Variants in FOXN3 observed in about 807,000 individuals in gnomAD.
FOXN3 encodes forkhead box protein N3.
In FOXN3, 7 loss-of-function variants were observed where a neutral mutation model predicts 38.4. The ratio of observed to expected loss-of-function variants is 0.18; its 90% CI spans 0.10 to 0.34. The LOEUF is 0.34. FOXN3 is among the 10% of genes least tolerant of loss of function. The pLI, the probability that FOXN3 is intolerant of heterozygous loss-of-function variation, is 1.00. For missense variants in FOXN3, 456 were observed against 613.4 expected, an observed-to-expected ratio of 0.74 and a Z score of 2.71; for synonymous variants, 230 against 242.2, an observed-to-expected ratio of 0.95 and a Z score of 0.47.
chr14:89,252,222 A>G (rs907337098), intron 4 of FOXN3, among the ~76,000 whole-genome samples: 1 of 152,252 alleles, frequency 6.6e-6, no homozygotes, highest in Non-Finnish European at 1.5e-5. Flanking sequence ...GATCCAGGCT[A>G]TAGAGCCAAG....
intron 3 of FOXN3, among the ~76,000 whole-genome samples, chr14:89,297,170 A>AGTTACTT (rs1403348365): frequency 2.6e-4 from 39 of 152,206 alleles, no homozygotes; most frequent in Admixed American, 2.6e-4. Flanking sequence ...GTAACTATAT[A>AGTTACTT]AGACATTACC....
At chr14:89,215,000 G>A (rs763872853) in intron 4 of FOXN3, among the ~76,000 whole-genome samples, 4 of 152,154 alleles carry the variant, frequency 2.6e-5, no homozygotes, top group Non-Finnish European at 4.4e-5. Context: ...AAGGGAGAAG[G>A]TACATTAGGC....
chr14:89,259,157 T>C (rs1173368157), intron 4 of FOXN3, among the ~76,000 whole-genome samples: 3 of 152,268 alleles, frequency 2.0e-5, no homozygotes, highest in Non-Finnish European at 4.4e-5. Flanking sequence ...AATTGACTTC[T>C]ACATCTCTGT....
At chr14:89,563,005 A>T (rs1206510069) in intron 1 of FOXN3, among the ~76,000 whole-genome samples, 1 of 152,244 alleles carries the variant, frequency 6.6e-6, no homozygotes, top group African/African-American at 2.4e-5. Flanking sequence ...TGCACACAGT[A>T]ACAAGAAGGG....
intron 1 of FOXN3, among the ~76,000 whole-genome samples, chr14:89,457,006 T>C (rs975432908): frequency 6.6e-6 from 1 of 152,126 alleles, no homozygotes; most frequent in African/African-American, 2.4e-5. Flanking sequence ...GGGAAGTAAA[T>C]TTGTATCACC....
chr14:89,255,690 T>C (rs1885595933), intron 4 of FOXN3, among the ~76,000 whole-genome samples: 1 of 152,120 alleles, frequency 6.6e-6, no homozygotes, highest in Non-Finnish European at 1.5e-5. Context: ...AGGCCCTTGC[T>C]CCTGGCCCAG....
At chr14:89,280,904 G>C (rs1358687551) in intron 4 of FOXN3, 46 bp downstream of exon 4, 2 of 1,528,214 alleles carry the variant, frequency 1.3e-6, no homozygotes, top group Middle Eastern at 3.4e-4. Flanking sequence ...ATGAAAGGCG[G>C]GTGGGTGAGG....
intron 5 of FOXN3, among the ~76,000 whole-genome samples, chr14:89,176,130 C>A (rs997519439): frequency 3.9e-5 from 6 of 152,160 alleles, no homozygotes; most frequent in African/African-American, 1.4e-4. Context: ...AGGTTTCCAA[C>A]GTCTAAGGAT....
intron 2 of FOXN3, among the ~76,000 whole-genome samples, chr14:89,385,482 A>C (rs1380123897): frequency 7.0e-6 from 1 of 142,720 alleles, no homozygotes; most frequent in African/African-American, 2.6e-5. Flanking sequence ...TGAATAACAA[A>C]AGCTGAGGCA....
In FOXN3 at chr14:89,397,650, A is replaced by C. The variant is rs1891135310; in HGVS notation, c.543+14284T>G. 3.3e-5 allele frequency among the ~76,000 whole-genome samples: 5 copies of C among 151,874 alleles called. No individual in the cohort carries two copies. The South Asian group carries it at 1.0e-3, about 32-fold the overall frequency. On this transcript the variant is annotated intron_variant, in intron 2 of 5. Transcript: ENST00000557258. ...TAGCTCAGCCTACCTTCCCAAACTTATTTCTCTCTCTATCCCACTGTGACC... is the reference window on the plus strand; with the variant it reads ...TAGCTCAGCCTACCTTCCCAAACTTCTTTCTCTCTCTATCCCACTGTGACC...
At chr14:89,308,056 G>A (rs936385302) in intron 3 of FOXN3, among the ~76,000 whole-genome samples, 1 of 152,218 alleles carries the variant, frequency 6.6e-6, no homozygotes, top group Non-Finnish European at 1.5e-5. Flanking sequence ...TCTGAGGTCA[G>A]GAGTTCAAGA....
At chr14:89,213,105 C>A (rs778020515) in intron 4 of FOXN3, among the ~76,000 whole-genome samples, 16 of 152,142 alleles carry the variant, frequency 1.1e-4, no homozygotes, top group Non-Finnish European at 2.1e-4. Flanking sequence ...ACATCCTTCC[C>A]AGGCACAGGG....
intron 3 of FOXN3, among the ~76,000 whole-genome samples, chr14:89,288,662 CACTCTCTT>C (rs778390413): frequency 0.47 from 16,742 of 35,424 alleles, 3,994 homozygotes; most frequent in Admixed American, 0.58. Context: ...CTGTAATAGG[CACTCTCTT>C]TCTCTCTCTC....
At chr14:89,183,986 A>T (rs1374122344) in intron 4 of FOXN3, 1 of 152,230 alleles carries the variant, frequency 6.6e-6, no homozygotes, top group East Asian at 1.9e-4. Context: ...GGAAGGCACG[A>T]GTATTTGGAA....
chr14:89,507,162 G>A (rs1274281201), intron 1 of FOXN3, among the ~76,000 whole-genome samples: 1 of 151,030 alleles, frequency 6.6e-6, no homozygotes, highest in Admixed American at 6.6e-5. Flanking sequence ...CACTGTCCCT[G>A]AACCCATCCA....
chr14:89,205,996 G>A (rs988928515), intron 4 of FOXN3, among the ~76,000 whole-genome samples: 4 of 152,282 alleles, frequency 2.6e-5, no homozygotes, highest in South Asian at 4.1e-4. Context: ...AGAGCTGCCC[G>A]TCCCCTCCAC....
At chr14:89,230,096 C>A (rs1370427142) in intron 4 of FOXN3, among the ~76,000 whole-genome samples, 1 of 152,240 alleles carries the variant, frequency 6.6e-6, no homozygotes, top group African/African-American at 2.4e-5. Context: ...AACCAATGCT[C>A]TTCCAATATG....
At chr14:89,230,851 TGAA>T (rs1566934637) in intron 4 of FOXN3, 1 of 456,038 alleles carries the variant, frequency 2.2e-6, no homozygotes, top group Non-Finnish European at 4.4e-6. Flanking sequence ...TCAATGGAGA[TGAA>T]GGTTTTCATT....
intron 3 of FOXN3, among the ~76,000 whole-genome samples, chr14:89,336,414 T>C (rs575319211): frequency 6.6e-6 from 1 of 152,316 alleles, no homozygotes; most frequent in Non-Finnish European, 1.5e-5. Context: ...AAACCCTAAA[T>C]TCCTTTTTAA....
Sources: allele counts gnomAD v4.1 joint callset (sites outside exome capture counted in the v4.1 genomes callset), GRCh38; gene constraint gnomAD v4.1.1; transcripts MANE v1.5; gene names NCBI Gene and HGNC (gene_info 2026-07-23, HGNC 2026-07-21).